Variants in MGLL observed in about 807,000 individuals in gnomAD.
MGLL encodes monoglyceride lipase.
In MGLL, 7 loss-of-function variants were observed where a neutral mutation model predicts 29.1. That is an observed-to-expected ratio of 0.24 (90% confidence interval 0.14 to 0.45). The LOEUF is 0.45. Ranked by LOEUF, MGLL falls within the 20% of genes least tolerant of loss-of-function variation. The pLI, the probability that MGLL is intolerant of heterozygous loss-of-function variation, is 0.99. For synonymous variants in MGLL, 148 were observed against 168.3 expected, an observed-to-expected ratio of 0.88 and a Z score of 0.93; for missense variants, 356 against 413.6, an observed-to-expected ratio of 0.86 and a Z score of 1.21.
intron 6 of MGLL, among the ~76,000 whole-genome samples, chr3:127,702,862 T>G (rs771004318): frequency 6.6e-6 from 1 of 152,106 alleles, no homozygotes; most frequent in African/African-American, 2.4e-5. Context: ...GCCCTGCTAA[T>G]TTTTGTATTT....
At chr3:127,776,716 G>A (rs1457206023) in intron 3 of MGLL, among the ~76,000 whole-genome samples, 8 of 152,192 alleles carry the variant, frequency 5.3e-5, no homozygotes, top group Non-Finnish European at 8.8e-5. Context: ...GAGGGGACCC[G>A]GCAGTGCCCT....
intron 4 of MGLL, among the ~76,000 whole-genome samples, chr3:127,722,219 G>A (rs374612489): frequency 1.3e-5 from 2 of 152,226 alleles, no homozygotes; most frequent in African/African-American, 2.4e-5. Context: ...AAGAGGCCCC[G>A]TATTCAAGCT....
At chr3:127,696,334 C>T (rs1022716504) in intron 6 of MGLL, among the ~76,000 whole-genome samples, 6 of 141,052 alleles carry the variant, frequency 4.3e-5, no homozygotes, top group African/African-American at 1.5e-4. Context: ...CCTACAGGAT[C>T]GGGGAGAAGT....
intron 2 of MGLL, among the ~76,000 whole-genome samples, chr3:127,801,999 C>A (rs1308626838): frequency 6.6e-6 from 1 of 152,108 alleles, no homozygotes; most frequent in South Asian, 2.1e-4. Flanking sequence ...CTCTGTCTGG[C>A]CAGGCACTGG....
intron 3 of MGLL, among the ~76,000 whole-genome samples, chr3:127,756,825 A>G (rs2076673353): frequency 6.6e-6 from 1 of 152,238 alleles, no homozygotes; most frequent in Non-Finnish European, 1.5e-5. Context: ...GAAAAAAGTG[A>G]TTGCCTGCAT....
intron 3 of MGLL, among the ~76,000 whole-genome samples, chr3:127,755,351 G>C (rs1559948097): frequency 6.6e-6 from 1 of 152,166 alleles, no homozygotes; most frequent in Non-Finnish European, 1.5e-5. Flanking sequence ...CTTTATAAAG[G>C]ATAGCATGCC....
chr3:127,779,164 G>A (rs369696577), intron 3 of MGLL, among the ~76,000 whole-genome samples: 11 of 148,880 alleles, frequency 7.4e-5, no homozygotes, highest in Admixed American at 1.4e-4. Context: ...TCAGGAGTTC[G>A]AGACCAGCCT....
In MGLL at chr3:127,756,422, G is replaced by A. The variant is rs559627794; in HGVS notation, c.262+25367C>T. Among the ~76,000 whole-genome samples, 106 of 152,032 alleles carry A rather than the reference G, an allele frequency of 7.0e-4. 1 individual carries two copies. The highest frequency in any genetic ancestry group is 2.1e-3 in the African/African-American group (89 of 41,434). On this transcript the variant is annotated intron_variant, in intron 3 of 7. Coordinates refer to ENST00000265052, the MANE Select transcript of MGLL (RefSeq NM_007283.7). Reference sequence around the variant, plus strand: ...TATTTCTCTGCTTTCATCACCCCAGGGCCAGATGCCAGAAGCCCCTACACC... The same window carrying A: ...TATTTCTCTGCTTTCATCACCCCAGAGCCAGATGCCAGAAGCCCCTACACC...
intron 3 of MGLL, 95 bp downstream of exon 3, chr3:127,781,694 A>G: frequency 8.9e-7 from 1 of 1,125,740 alleles, no homozygotes; most frequent in Non-Finnish European, 1.4e-6. Context: ...GGAATAGAAG[A>G]ATTGAGAAGG....
At chr3:127,721,568 A>G (rs2075925971) in intron 4 of MGLL, among the ~76,000 whole-genome samples, 1 of 127,888 alleles carries the variant, frequency 7.8e-6, no homozygotes, top group South Asian at 2.4e-4. Flanking sequence ...AGATTGCTAT[A>G]CTATACTTTT....
At chr3:127,746,590 T>C (rs908286669) in intron 3 of MGLL, among the ~76,000 whole-genome samples, 3 of 152,160 alleles carry the variant, frequency 2.0e-5, no homozygotes, top group Admixed American at 2.0e-4. Flanking sequence ...TGGAACCAGT[T>C]ATGTTCCCCT....
intron 4 of MGLL, among the ~76,000 whole-genome samples, chr3:127,721,964 A>G (rs551825026): frequency 2.0e-5 from 3 of 152,350 alleles, no homozygotes; most frequent in South Asian, 2.1e-4. Context: ...CTCAATTTAC[A>G]TATTTAAAAG....
At chr3:127,726,419 T>C (rs969255166) in intron 3 of MGLL, among the ~76,000 whole-genome samples, 3 of 152,048 alleles carry the variant, frequency 2.0e-5, no homozygotes, top group African/African-American at 7.2e-5. Flanking sequence ...GTAAAGGATC[T>C]AAAGGTTTTT....
At chr3:127,731,742 G>T (rs909972004) in intron 3 of MGLL, among the ~76,000 whole-genome samples, 2 of 152,116 alleles carry the variant, frequency 1.3e-5, no homozygotes, top group Non-Finnish European at 2.9e-5. Context: ...TCTCCCTCTG[G>T]CCCCTGACCT....
chr3:127,723,276 G>C (rs532838295), intron 3 of MGLL, among the ~76,000 whole-genome samples: 3 of 152,126 alleles, frequency 2.0e-5, no homozygotes, highest in African/African-American at 7.2e-5. Flanking sequence ...CTTCACATTC[G>C]GGCTGAAAGC....
intron 3 of MGLL, among the ~76,000 whole-genome samples, chr3:127,739,670 G>A (rs745691541): frequency 2.0e-5 from 3 of 152,160 alleles, no homozygotes; most frequent in Admixed American, 6.5e-5. Context: ...ACTGCAAACC[G>A]GCCATGCTGG....
At chr3:127,754,320 G>A (rs1272512125) in intron 3 of MGLL, among the ~76,000 whole-genome samples, 1 of 151,674 alleles carries the variant, frequency 6.6e-6, no homozygotes, top group East Asian at 1.9e-4. Flanking sequence ...AATCAGTCCT[G>A]CTGTCACCCC....
intron 3 of MGLL, among the ~76,000 whole-genome samples, chr3:127,775,994 A>G (rs1196595586): frequency 1.3e-5 from 2 of 152,216 alleles, no homozygotes; most frequent in Non-Finnish European, 2.9e-5. Flanking sequence ...CCAGGGACCA[A>G]GAGAACGCCA....
At chr3:127,766,553 G>C (rs1204264078) in intron 3 of MGLL, among the ~76,000 whole-genome samples, 1 of 152,138 alleles carries the variant, frequency 6.6e-6, no homozygotes, top group African/African-American at 2.4e-5. Flanking sequence ...TTTCTGGCCT[G>C]TTTATCAGCC....
Sources: allele counts gnomAD v4.1 joint callset (sites outside exome capture counted in the v4.1 genomes callset), GRCh38; gene constraint gnomAD v4.1.1; transcripts MANE v1.5; gene names NCBI Gene and HGNC (gene_info 2026-07-23, HGNC 2026-07-21).